Variants in RAB11FIP3 observed in about 807,000 individuals in gnomAD.
RAB11FIP3 encodes the protein RAB11 family interacting protein 3, also known as rab11 family-interacting protein 3.
A neutral mutation model predicts 77.8 loss-of-function variants in RAB11FIP3; 17 were observed. The observed-to-expected ratio is 0.22, with a 90% CI of 0.15 to 0.33. The LOEUF (loss-of-function observed/expected upper bound fraction) is 0.33. Among genes scored for constraint, RAB11FIP3 ranks in the 10% least tolerant of loss-of-function variants. The pLI is 1.00. For missense variants in RAB11FIP3, 1,005 were observed against 1,011.2 expected, an observed-to-expected ratio of 0.99 and a Z score of 0.08; for synonymous variants, 437 against 448.2, an observed-to-expected ratio of 0.98 and a Z score of 0.31.
At position 520,720 on chromosome 16, in the gene RAB11FIP3, C is replaced by A. The variant is rs367574450; in HGVS notation, c.2158-6C>A. The A allele has an allele frequency of 1.2e-6, 2 of 1,613,558 alleles. No individual in the cohort carries two copies. The highest frequency in any genetic ancestry group is 2.2e-5 in the South Asian group (2 of 91,082). ...CCTCAGCTCTGACCACCTGCTTGCC[C>A]TACAGCTCATGGAGGCGATTCAGAA... On this transcript the variant is annotated splice_region_variant and splice_polypyrimidine_tract_variant and intron_variant, in intron 13 of 13. Coordinates refer to ENST00000262305, the MANE Select transcript of RAB11FIP3 (RefSeq NM_014700.4).
chr16:501,625 A>G (rs1469369319), intron 6 of RAB11FIP3, among the ~76,000 whole-genome samples: 1 of 141,920 alleles, frequency 7.0e-6, no homozygotes, highest in East Asian at 2.3e-4. Context: ...ACAGGCAAGG[A>G]AGCTGGGAGA....
intron 3 of RAB11FIP3, chr16:474,767 G>A (rs990249362): frequency 7.4e-7 from 1 of 1,357,978 alleles, no homozygotes; most frequent in Non-Finnish European, 9.5e-7. Context: ...TTTCAGCCCT[G>A]ACTGACTAAC....
chr16:491,764 C>T (rs72767826), intron 5 of RAB11FIP3, among the ~76,000 whole-genome samples: 68 of 152,282 alleles, frequency 4.5e-4, no homozygotes, highest in East Asian at 2.3e-3. Flanking sequence ...TTACAGAAGA[C>T]GGTTTTGAGT....
Position 519,776 on chromosome 16 carries a change from A to G in RAB11FIP3, c.1745A>G (p.Glu582Gly). Residue 582 changes from glutamate (E) to glycine (G), a missense_variant, in exon 11 of 14, where the codon GAG becomes GGG. This residue lies in a region of RAB11FIP3 where 433 missense variants were observed against 436.1 expected (regional missense o/e 0.99). Coordinates refer to ENST00000262305, the MANE Select transcript of RAB11FIP3 (RefSeq NM_014700.4). ...CAGGAGAAGCAGAAGCTGTTGGATG[A>G]GATAGAGTCGCTGACGCTGCGGCTC... ...LEEEKQKLLD[E>G]IESLTLRLSE... is the part of the protein sequence containing the mutation. The G allele has an allele frequency of 6.2e-7, 1 of 1,612,738 alleles. No individual in the cohort carries two copies. The highest frequency in any genetic ancestry group is 8.5e-7 in the Non-Finnish European group (1 of 1,179,702).
At chr16:446,860 C>T (rs575949541) in intron 1 of RAB11FIP3, among the ~76,000 whole-genome samples, 1 of 152,170 alleles carries the variant, frequency 6.6e-6, no homozygotes, top group South Asian at 2.1e-4. Context: ...GCCTCCGTGC[C>T]CAGCTAATTT....
chr16:488,926 T>C lies in RAB11FIP3; in HGVS notation c.1191T>C (p.Ser397=). 1 of 1,614,018 alleles carries C rather than the reference T, an allele frequency of 6.2e-7. No individual in the cohort carries two copies. Among genetic ancestry groups the C allele is most frequent in the Non-Finnish European group, 8.5e-7 (1 of 1,179,990 alleles). The stretch of plus-strand genomic sequence containing the variant: ...ACTTTGAGGACTACGGTGAAGGCAG[T>C]GAGGCGGAGCTGTCCCCAGAGACCC... ...EEHFEDYGEG[S]EAELSPETLC... The change falls in exon 5 of 14, where the codon AGT becomes AGC. Residue 397 remains serine (S), a synonymous_variant. Coordinates refer to ENST00000262305, the MANE Select transcript of RAB11FIP3 (RefSeq NM_014700.4).
intron 1 of RAB11FIP3, among the ~76,000 whole-genome samples, chr16:436,670 C>T (rs987945353): frequency 3.3e-5 from 5 of 151,934 alleles, no homozygotes; most frequent in Non-Finnish European, 5.9e-5. Context: ...TTTGTAGAGG[C>T]GAGGTTTTGC....
In RAB11FIP3 at chr16:472,898, C is replaced by G. The variant is rs765274463; in HGVS notation, c.903+1509C>G. Reference sequence around the variant, plus strand: ...TCCAGTGACAGGTGTCCCTGGAAGACGGGAGAGACACACAGGGGGAAGACC... The same window carrying G: ...TCCAGTGACAGGTGTCCCTGGAAGAGGGGAGAGACACACAGGGGGAAGACC... On this transcript the variant is annotated intron_variant, in intron 3 of 13. Coordinates refer to ENST00000262305, the MANE Select transcript of RAB11FIP3 (RefSeq NM_014700.4). The surrounding 1 kb of genome is among the most constrained non-coding windows in gnomAD (Gnocchi z 4.1). 6.6e-6 allele frequency among the ~76,000 whole-genome samples: 1 copy of G among 152,096 alleles called. No individual in the cohort carries two copies.
At chr16:511,493 C>T (rs113825775) in intron 9 of RAB11FIP3, among the ~76,000 whole-genome samples, 2 of 115,944 alleles carry the variant, frequency 1.7e-5, no homozygotes, top group Non-Finnish European at 1.8e-5. Flanking sequence ...AGAAGTTCCC[C>T]GACGGCCCGC....
At chr16:459,582 G>A (rs376989705) in intron 1 of RAB11FIP3, among the ~76,000 whole-genome samples, 8 of 150,490 alleles carry the variant, frequency 5.3e-5, no homozygotes, top group African/African-American at 1.5e-4. Context: ...GATTACAGGC[G>A]AGCGCCACCA....
chr16:494,104 A>G (rs1240339636), intron 5 of RAB11FIP3, among the ~76,000 whole-genome samples: 1 of 29,704 alleles, frequency 3.4e-5, no homozygotes, highest in Non-Finnish European at 6.8e-5. Flanking sequence ...GGGTTTCACC[A>G]TGTCTCAATC....
chr16:466,941 G>A (rs771172679), intron 2 of RAB11FIP3, among the ~76,000 whole-genome samples: 2 of 152,196 alleles, frequency 1.3e-5, no homozygotes, highest in Non-Finnish European at 2.9e-5. Context: ...AGCCAGGCTG[G>A]TGGAGGTGGC....
chr16:485,886 G>A lies in RAB11FIP3; in HGVS notation c.1116-2965G>A, dbSNP rs1270394376. Among the ~76,000 whole-genome samples, 5 of 151,834 alleles carry A rather than the reference G, an allele frequency of 3.3e-5. No homozygotes were observed. In the East Asian group the frequency reaches 7.7e-4, roughly 24 times the overall value. ...TACCTTCATATTCAGATCTGTGATCGCTACATAATTTTTTTATTTTGTTTT... is the reference window on the plus strand; with the variant it reads ...TACCTTCATATTCAGATCTGTGATCACTACATAATTTTTTTATTTTGTTTT... On this transcript the variant is annotated intron_variant, in intron 4 of 13. Coordinates refer to ENST00000262305, the MANE Select transcript of RAB11FIP3 (RefSeq NM_014700.4).
intron 9 of RAB11FIP3, among the ~76,000 whole-genome samples, chr16:511,330 C>T (rs2032150789): frequency 7.9e-6 from 1 of 125,802 alleles, no homozygotes; most frequent in Non-Finnish European, 1.7e-5. Context: ...AACTGCAGGC[C>T]AGGCAGGAGA....
chr16:488,483 ACTGCAG>A (rs2056206732), intron 4 of RAB11FIP3, among the ~76,000 whole-genome samples: 1 of 151,762 alleles, frequency 6.6e-6, no homozygotes, highest in African/African-American at 2.4e-5. Flanking sequence ...ATCACTGCTC[ACTGCAG>A]CCTTGGCCTC....
At chr16:478,957 C>T (rs961485510) in intron 3 of RAB11FIP3, among the ~76,000 whole-genome samples, 4 of 151,484 alleles carry the variant, frequency 2.6e-5, no homozygotes, top group African/African-American at 9.7e-5. Flanking sequence ...AGAGTGAGAC[C>T]CTGTCTCAAA....
chr16:474,775 A>G (rs1185306180), intron 3 of RAB11FIP3: 1 of 1,366,064 alleles, frequency 7.3e-7, no homozygotes, highest in Admixed American at 3.1e-5. Context: ...CTGACTGACT[A>G]ACCGTTTTTT....
chr16:488,694 C>T lies in RAB11FIP3; in HGVS notation c.1116-157C>T, dbSNP rs574665141. On this transcript the variant is annotated intron_variant, in intron 4 of 13. Transcript: ENST00000262305. Reference sequence around the variant, plus strand: ...AAAGTGCTGGGATTACATGTGTGAGCCACCGCATCCAGCCCACTTTTTTTT... The same window carrying T: ...AAAGTGCTGGGATTACATGTGTGAGTCACCGCATCCAGCCCACTTTTTTTT... Among the ~76,000 whole-genome samples, 411 of 150,162 alleles carry T rather than the reference C, an allele frequency of 2.7e-3. 4 individuals are homozygous for T. Among genetic ancestry groups the T allele is most frequent in the Middle Eastern group, 0.021 (6 of 292 alleles).
intron 1 of RAB11FIP3, among the ~76,000 whole-genome samples, chr16:437,461 T>C (rs1298206453): frequency 6.7e-6 from 1 of 149,806 alleles, no homozygotes; most frequent in East Asian, 2.0e-4. Context: ...TCCCAGCTAC[T>C]CAGGAGGCTG....
Sources: allele counts gnomAD v4.1 joint callset (sites outside exome capture counted in the v4.1 genomes callset), GRCh38; gene constraint gnomAD v4.1.1; regional missense constraint gnomAD v4.1.1; non-coding constraint Gnocchi (gnomAD v3.1); transcripts MANE v1.5; gene names NCBI Gene and HGNC (gene_info 2026-07-23, HGNC 2026-07-21).